The following TBC1D5 variants were observed in gnomAD, a reference collection of about 807,000 sequenced individuals.
The protein encoded by TBC1D5 is TBC1 domain family, member 5.
TBC1D5 carries 75 observed loss-of-function variants against 100.3 expected under a neutral mutation model. The observed-to-expected ratio is 0.75, with a 90% CI of 0.62 to 0.91. The LOEUF (loss-of-function observed/expected upper bound fraction) is 0.91, where lower values mean the gene tolerates loss of function less well. TBC1D5 is among the 40% of genes least tolerant of loss of function. The probability of loss-of-function intolerance (pLI) is 0.00; values close to 1 mark genes in which losing one functional copy is unlikely to be tolerated. For synonymous variants in TBC1D5, 323 were observed against 325.6 expected (o/e 0.99, Z 0.09); for missense variants, 910 against 942.4 (o/e 0.97, Z 0.45).
intron 19 of TBC1D5, among the ~76,000 whole-genome samples, chr3:17,178,550 A>AT (rs2068076497): frequency 6.6e-6 from 1 of 152,194 alleles, no homozygotes; most frequent in Non-Finnish European, 1.5e-5. Context: ...TTGCAGGATC[A>AT]TATTTTTAGC....
chr3:17,443,709 T>C (rs954605166), intron 3 of TBC1D5, among the ~76,000 whole-genome samples: 13 of 152,066 alleles, frequency 8.5e-5, no homozygotes, highest in Admixed American at 6.5e-5. Flanking sequence ...TGTAAAATAA[T>C]AGAAACTATT....
At chr3:17,185,147 A>G in exon 19 of TBC1D5, 1 of 1,613,722 alleles carries the variant, frequency 6.2e-7, no homozygotes, top group Non-Finnish European at 8.5e-7. Context: ...GTATTTGCAC[A>G]TGGCATCCAG....
intron 17 of TBC1D5, among the ~76,000 whole-genome samples, chr3:17,227,718 G>A (rs554203559): frequency 5.3e-5 from 8 of 151,776 alleles, no homozygotes; most frequent in Non-Finnish European, 8.8e-5. Context: ...GTGGGAGGAG[G>A]GAGAGAATAA....
At chr3:17,192,592 T>G (rs2070091931) in intron 18 of TBC1D5, among the ~76,000 whole-genome samples, 1 of 152,218 alleles carries the variant, frequency 6.6e-6, no homozygotes, top group African/African-American at 2.4e-5. Context: ...TTGGACAGGA[T>G]GTAAACAAAC....
chr3:17,587,515 C>T (rs955180694), intron 2 of TBC1D5, among the ~76,000 whole-genome samples: 2 of 151,892 alleles, frequency 1.3e-5, no homozygotes, highest in African/African-American at 4.8e-5. Flanking sequence ...CTACTAAAAT[C>T]GAGTAACAAA....
intron 3 of TBC1D5, among the ~76,000 whole-genome samples, chr3:17,483,760 A>C (rs1447596932): frequency 6.6e-6 from 1 of 152,214 alleles, no homozygotes; most frequent in Non-Finnish European, 1.5e-5. Context: ...ATTTGTTAAT[A>C]AGTTACTTGT....
At chr3:17,175,672 T>C (rs965019548) in intron 19 of TBC1D5, among the ~76,000 whole-genome samples, 3 of 152,200 alleles carry the variant, frequency 2.0e-5, no homozygotes, top group Non-Finnish European at 4.4e-5. Context: ...AGCTAAGAGA[T>C]AGGACAGCAG....
Position 17,530,121 on chromosome 3 carries a change from G to A in TBC1D5, c.-35-21516C>T, listed in dbSNP as rs529798133. On this transcript the variant is annotated intron_variant, in intron 2 of 21. Coordinates refer to ENST00000253692, the Ensembl canonical transcript of TBC1D5. Reference sequence around the variant, plus strand: ...TAGCCAGACATGGTGGCACATGCCTGTAGTCCCAGCTACTTGGGAGGCTAA... The same window carrying A: ...TAGCCAGACATGGTGGCACATGCCTATAGTCCCAGCTACTTGGGAGGCTAA... Among the ~76,000 whole-genome samples the A allele has an allele frequency of 5.6e-3, 851 of 151,908 alleles. 10 individuals carry two copies. The highest frequency in any genetic ancestry group is 0.02 in the African/African-American group (812 of 41,432).
At chr3:17,383,002 G>C (rs2093011731) in intron 9 of TBC1D5, among the ~76,000 whole-genome samples, 1 of 151,810 alleles carries the variant, frequency 6.6e-6, no homozygotes, top group Admixed American at 6.6e-5. Context: ...AATTAATACA[G>C]AAAAATATTA....
chr3:17,234,976 G>A (rs1206942724), intron 17 of TBC1D5, among the ~76,000 whole-genome samples: 2 of 151,976 alleles, frequency 1.3e-5, no homozygotes, highest in Non-Finnish European at 2.9e-5. Flanking sequence ...GTGGAAATGG[G>A]CCCCAGATTT....
intron 19 of TBC1D5, among the ~76,000 whole-genome samples, chr3:17,175,104 G>A (rs910816483): frequency 6.6e-6 from 1 of 152,228 alleles, no homozygotes; most frequent in Non-Finnish European, 1.5e-5. Flanking sequence ...AACATTCATT[G>A]ATGGTCTATT....
At chr3:17,503,817 T>C (rs1307832982) in intron 3 of TBC1D5, among the ~76,000 whole-genome samples, 1 of 149,744 alleles carries the variant, frequency 6.7e-6, no homozygotes, top group Non-Finnish European at 1.5e-5. Flanking sequence ...TTCCTTAGCT[T>C]TCCCTTTGCC....
intron 2 of TBC1D5, among the ~76,000 whole-genome samples, chr3:17,543,992 C>T (rs773632981): frequency 6.6e-6 from 1 of 151,934 alleles, no homozygotes; most frequent in Non-Finnish European, 1.5e-5. Flanking sequence ...CTCAGCCTCC[C>T]GAGTAGCTAA....
At chr3:17,334,615 G>A (rs2151237353) in intron 13 of TBC1D5, among the ~76,000 whole-genome samples, 1 of 152,216 alleles carries the variant, frequency 6.6e-6, no homozygotes, top group South Asian at 2.1e-4. Context: ...TCTTAATGAT[G>A]CCTTCAAAGA....
chr3:17,328,186 C>T (rs1409352897), intron 13 of TBC1D5, among the ~76,000 whole-genome samples: 1 of 151,828 alleles, frequency 6.6e-6, no homozygotes, highest in East Asian at 1.9e-4. Context: ...GGGAGGATCG[C>T]TTGAGCATGG....
chr3:17,437,970 T>A (rs545045010), intron 3 of TBC1D5, among the ~76,000 whole-genome samples: 2 of 152,314 alleles, frequency 1.3e-5, no homozygotes, highest in Non-Finnish European at 2.9e-5. Context: ...GATCTCATTT[T>A]CCAGCAATAG....
chr3:17,416,968 A>G (rs2094090967), intron 4 of TBC1D5, among the ~76,000 whole-genome samples: 1 of 152,190 alleles, frequency 6.6e-6, no homozygotes, highest in Admixed American at 6.5e-5. Flanking sequence ...TAAATGGGCC[A>G]TGGGATAAAC....
intron 18 of TBC1D5, among the ~76,000 whole-genome samples, chr3:17,194,851 T>C (rs1039008541): frequency 1.3e-5 from 2 of 152,148 alleles, no homozygotes; most frequent in Non-Finnish European, 2.9e-5. Flanking sequence ...CAAAAAATAA[T>C]AAAGTAAACA....
At chr3:17,327,794 G>T (rs1408115751) in intron 13 of TBC1D5, among the ~76,000 whole-genome samples, 1 of 152,028 alleles carries the variant, frequency 6.6e-6, no homozygotes, top group Non-Finnish European at 1.5e-5. Context: ...GATAGGGCAT[G>T]AATTTTTCTG....
Sources: gnomAD v4.1 joint callset for allele counts (sites outside exome capture counted in the v4.1 genomes callset) on GRCh38, gnomAD v4.1.1 for gene constraint, MANE v1.5 for transcripts, NCBI Gene and HGNC (gene_info 2026-07-23, HGNC 2026-07-21) for gene names.